Variants in ARHGAP10 observed in about 807,000 individuals in gnomAD.
ARHGAP10 encodes the protein rho GTPase-activating protein 10.
ARHGAP10 carries 87 observed loss-of-function variants against 108.6 expected under a neutral mutation model. The observed-to-expected ratio is 0.80, with a 90% CI of 0.67 to 0.96. ARHGAP10 has a LOEUF of 0.96. ARHGAP10 is among the 40% of genes least tolerant of loss of function. ARHGAP10 has a pLI of 0.00. For missense variants in ARHGAP10, 939 were observed against 954.5 expected (o/e 0.98, Z 0.21); for synonymous variants, 347 against 341.1 (o/e 1.02, Z -0.19).
At chr4:147,736,839 A>T (rs1161085493) in intron 1 of ARHGAP10, among the ~76,000 whole-genome samples, 1 of 152,184 alleles carries the variant, frequency 6.6e-6, no homozygotes, top group East Asian at 1.9e-4. Context: ...GTTGTATCCC[A>T]GTTCTGACCA....
intron 19 of ARHGAP10, among the ~76,000 whole-genome samples, chr4:148,025,877 A>T (rs1427623368): frequency 6.6e-6 from 1 of 152,120 alleles, no homozygotes; most frequent in Admixed American, 6.5e-5. Flanking sequence ...TAAAATATGC[A>T]TTATTATAGA....
intron 18 of ARHGAP10, among the ~76,000 whole-genome samples, chr4:148,002,318 T>C (rs921380810): frequency 6.6e-6 from 1 of 152,224 alleles, no homozygotes. Flanking sequence ...GGTTTGCCAG[T>C]ATTTTATTGA....
chr4:147,938,532 G>T (rs1343778759), intron 13 of ARHGAP10, among the ~76,000 whole-genome samples: 1 of 152,134 alleles, frequency 6.6e-6, no homozygotes, highest in Non-Finnish European at 1.5e-5. Flanking sequence ...ATAACATAGG[G>T]TATAGGATGC....
chr4:148,066,842 G>T (rs1729900366), intron 22 of ARHGAP10, among the ~76,000 whole-genome samples: 1 of 152,242 alleles, frequency 6.6e-6, no homozygotes, highest in Non-Finnish European at 1.5e-5. Context: ...AGAAAAAGAG[G>T]TTTCTGAGTT....
At chr4:147,956,000 C>G (rs1738773718) in intron 16 of ARHGAP10, among the ~76,000 whole-genome samples, 1 of 152,076 alleles carries the variant, frequency 6.6e-6, no homozygotes. Flanking sequence ...GGCTCACTTT[C>G]TATCTTTGAC....
intron 10 of ARHGAP10, among the ~76,000 whole-genome samples, chr4:147,891,446 G>A (rs1051612318): frequency 1.3e-5 from 2 of 152,178 alleles, no homozygotes; most frequent in East Asian, 1.9e-4. Flanking sequence ...TAGGTCTAGA[G>A]GTTTGGAAAG....
chr4:147,799,795 C>T (rs1419633493), intron 1 of ARHGAP10, among the ~76,000 whole-genome samples: 1 of 152,128 alleles, frequency 6.6e-6, no homozygotes, highest in African/African-American at 2.4e-5. Flanking sequence ...TCTGATTTAT[C>T]TCAGGGTTAG....
chr4:148,067,985 C>T (rs999680538), intron 22 of ARHGAP10, among the ~76,000 whole-genome samples: 4 of 151,514 alleles, frequency 2.6e-5, no homozygotes, highest in East Asian at 1.9e-4. Flanking sequence ...CCAACTCCCC[C>T]GCCCCCCACC....
chr4:147,946,539 G>A, intron 14 of ARHGAP10, 78 bp from the exon 15 acceptor site: 2 of 1,225,538 alleles, frequency 1.6e-6, no homozygotes, highest in Non-Finnish European at 2.3e-6. Context: ...TTTAAAAATG[G>A]AAGCTTTGTG....
chr4:147,873,722 A>ACACACACACACACACACACACACACACT (rs775092505), intron 7 of ARHGAP10, among the ~76,000 whole-genome samples: 3 of 144,338 alleles, frequency 2.1e-5, no homozygotes, highest in Non-Finnish European at 3.0e-5. Context: ...ACACACACAC[A>ACACACACACACACACACACACACACACT]CTCTTGGCCT....
At chr4:148,058,946 C>G (rs1560897199) in intron 20 of ARHGAP10, among the ~76,000 whole-genome samples, 1 of 152,220 alleles carries the variant, frequency 6.6e-6, no homozygotes, top group African/African-American at 2.4e-5. Context: ...GTCTTCCCAG[C>G]TCTTCCACCC....
At chr4:147,846,463 A>G (rs1733630153) in intron 3 of ARHGAP10, among the ~76,000 whole-genome samples, 1 of 152,154 alleles carries the variant, frequency 6.6e-6, no homozygotes, top group Non-Finnish European at 1.5e-5. Context: ...CTTTTGATGA[A>G]TATTTTCTTT....
rs138447758 is a variant in ARHGAP10 at position 147,796,896 on chromosome 4, G to A, written c.155-25831G>A. On this transcript the variant is annotated intron_variant, in intron 1 of 22. Transcript: ENST00000336498. ...CTATGATTTCTAATGTAAAAACCTC[G>A]TTCTTGTCTTTTCCCTCATGCCATA... Among the ~76,000 whole-genome samples the A allele has an allele frequency of 3.1e-3, 468 of 152,256 alleles. 2 individuals are homozygous for A. Among genetic ancestry groups the A allele is most frequent in the African/African-American group, 0.01 (430 of 41,544 alleles).
intron 5 of ARHGAP10, among the ~76,000 whole-genome samples, chr4:147,860,430 G>A (rs777948596): frequency 2.1e-4 from 32 of 150,860 alleles, no homozygotes; most frequent in African/African-American, 6.6e-4. Flanking sequence ...CGACAGCTCC[G>A]TCTCAAAAAC....
At chr4:148,043,253 T>A (rs1317855089) in intron 19 of ARHGAP10, among the ~76,000 whole-genome samples, 3 of 152,212 alleles carry the variant, frequency 2.0e-5, no homozygotes, top group Admixed American at 2.0e-4. Flanking sequence ...TCGGCGGTAG[T>A]TCATTTTCCA....
At chr4:147,998,105 A>G (rs771470712) in intron 18 of ARHGAP10, among the ~76,000 whole-genome samples, 3 of 152,174 alleles carry the variant, frequency 2.0e-5, no homozygotes, top group Non-Finnish European at 4.4e-5. Context: ...AAATTAGAAG[A>G]TAATAACACA....
At chr4:147,952,392 C>T (rs1309902332) in intron 15 of ARHGAP10, among the ~76,000 whole-genome samples, 3 of 152,158 alleles carry the variant, frequency 2.0e-5, no homozygotes, top group African/African-American at 7.2e-5. Flanking sequence ...ACAAAGGTTC[C>T]ATTTCCTTTT....
Position 147,861,525 on chromosome 4 carries a change from G to A in ARHGAP10, c.487-3321G>A, listed in dbSNP as rs545044638. ...AGTCTGGCCATTCCTTGGGTCCCAA[G>A]TTCTTGTCCCACATCCAAGAGGAAT... On this transcript the variant is annotated intron_variant, in intron 5 of 22. Transcript: ENST00000336498. 5.2e-5 allele frequency: 8 copies of A among 152,488 alleles called. 1 individual carries two copies. In the South Asian group the frequency reaches 1.7e-3, roughly 32 times the overall value. The allele number at this position is 152,488 out of a possible 1,614,324, so 9.4% of individuals were successfully genotyped here. A position where few individuals can be genotyped will look rare whatever the true frequency, so the allele number is the denominator to read the frequency against.
intron 3 of ARHGAP10, among the ~76,000 whole-genome samples, chr4:147,836,530 C>T (rs56664679): frequency 0.023 from 3,526 of 152,252 alleles, 131 homozygotes; most frequent in African/African-American, 0.08. Context: ...AAGAATGAGG[C>T]ATTATTCAAC....
Sources: allele counts gnomAD v4.1 joint callset (sites outside exome capture counted in the v4.1 genomes callset), GRCh38; gene constraint gnomAD v4.1.1; transcripts MANE v1.5; gene names NCBI Gene and HGNC (gene_info 2026-07-23, HGNC 2026-07-21).